Variants in RBM20 observed in about 807,000 individuals in gnomAD.
RBM20 encodes RNA binding motif protein 20, also known as RNA-binding protein 20.
A neutral mutation model predicts 110.1 loss-of-function variants in RBM20; 51 were observed. That is an observed-to-expected ratio of 0.46 (90% CI 0.37 to 0.59). The LOEUF (loss-of-function observed/expected upper bound fraction) is 0.59, where lower values mean the gene tolerates loss of function less well. RBM20 is among the 20% of genes least tolerant of loss of function. The pLI, the probability that RBM20 is intolerant of heterozygous loss-of-function variation, is 0.00. For synonymous variants in RBM20, 589 were observed against 618.2 expected (o/e 0.95, Z 0.70); for missense variants, 1,512 against 1,574.9 (o/e 0.96, Z 0.68).
At chr10:110,697,683 C>T (rs1006539312) in intron 1 of RBM20, among the ~76,000 whole-genome samples, 7 of 152,184 alleles carry the variant, frequency 4.6e-5, no homozygotes, top group Non-Finnish European at 1.0e-4. Flanking sequence ...GATCATCACA[C>T]ATCCACTGTC....
intron 1 of RBM20, among the ~76,000 whole-genome samples, chr10:110,685,885 T>C (rs531445585): frequency 3.9e-5 from 6 of 152,310 alleles, no homozygotes; most frequent in African/African-American, 1.4e-4. Context: ...TAATGCAGGA[T>C]CTTTGTTTTA....
rs897266751 is a variant in RBM20 at position 110,836,853 on chromosome 10, G to A, written c.*875G>A. 6.6e-6 allele frequency: 1 copy of A among 152,202 alleles called. No homozygotes were observed. The highest frequency in any genetic ancestry group is 1.5e-5 in the Non-Finnish European group (1 of 68,044). 9.4% of individuals were successfully genotyped at this position (152,202 alleles called of 1,614,324 possible). A position where few individuals can be genotyped will look rare whatever the true frequency, so the allele number is the denominator to read the frequency against. ...ATAAAAACAGAAGCATCTTCCTCCA[G>A]CTAAAGCAGCAGTTGGCGCGGGCTT... On this transcript the variant is annotated 3_prime_UTR_variant, in exon 14 of 14. Transcript: ENST00000369519.
At position 110,820,971 on chromosome 10, in the gene RBM20, A is replaced by G. The variant is rs139516832; in HGVS notation, c.2656-304A>G. On this transcript the variant is annotated intron_variant, in intron 10 of 13. Coordinates refer to ENST00000369519, the MANE Select transcript of RBM20 (RefSeq NM_001134363.3). ...ATGCTCCAGTAAGTATTTAGAGTTT[A>G]TAACTTCATTATTCATGCATTCAAA... is the stretch of plus-strand genomic sequence containing the variant. Among the ~76,000 whole-genome samples the G allele has an allele frequency of 5.1e-3, 783 of 152,342 alleles. 11 individuals carry two copies. Among genetic ancestry groups the G allele is most frequent in the African/African-American group, 0.018 (743 of 41,570 alleles).
In RBM20 at chr10:110,823,475, T is replaced by C. The variant is rs1223503389; in HGVS notation, c.3317-5T>C. On this transcript the variant is annotated splice_region_variant and splice_polypyrimidine_tract_variant and intron_variant, in intron 11 of 13. Transcript: ENST00000369519. ...TTTTTTTTTGCCTTGGTTCATGTTT[T>C]GCAGAAAACTCCAGGTACGTGGAAA... 1 of 1,268,968 alleles carries C rather than the reference T, an allele frequency of 7.9e-7. No homozygotes were observed. 78.6% of individuals were successfully genotyped at this position (1,268,968 alleles called of 1,614,324 possible).
chr10:110,733,724 G>C (rs1843641857), intron 1 of RBM20, among the ~76,000 whole-genome samples: 1 of 152,254 alleles, frequency 6.6e-6, no homozygotes, highest in Non-Finnish European at 1.5e-5. Flanking sequence ...CTGCCTTGGA[G>C]ATCCTGATGC....
rs560149482 is a variant in RBM20 at position 110,699,177 on chromosome 10, A to G, written c.191+54532A>G. On this transcript the variant is annotated intron_variant, in intron 1 of 13. Transcript: ENST00000369519. ...CCTTTCCAGACCCACGTGATGATGG[A>G]GATCCGGCAGGCAGTGGCTTCTTAC... Among the ~76,000 whole-genome samples the G allele has an allele frequency of 7.3e-5, 11 of 151,688 alleles. No individual in the cohort carries two copies. In the South Asian group the frequency reaches 2.3e-3, roughly 32 times the overall value.
At chr10:110,719,658 T>C (rs1490237687) in intron 1 of RBM20, among the ~76,000 whole-genome samples, 2 of 152,264 alleles carry the variant, frequency 1.3e-5, no homozygotes, top group Admixed American at 1.3e-4. Flanking sequence ...CTGAGTTTTG[T>C]GTCTTTCTTG....
chr10:110,716,884 T>TCCCG (rs1863026761), intron 1 of RBM20, among the ~76,000 whole-genome samples: 1 of 145,442 alleles, frequency 6.9e-6, no homozygotes. Flanking sequence ...GCCCCTGCAC[T>TCCCG]CCCGCCTCAG....
intron 7 of RBM20, among the ~76,000 whole-genome samples, chr10:110,802,728 C>T (rs1006071732): frequency 1.3e-5 from 2 of 152,234 alleles, no homozygotes; most frequent in African/African-American, 2.4e-5. Flanking sequence ...GAGTGCTCAC[C>T]GTGGGTGGAA....
chr10:110,744,472 C>A (rs932146260), intron 1 of RBM20, among the ~76,000 whole-genome samples: 3 of 152,218 alleles, frequency 2.0e-5, no homozygotes, highest in African/African-American at 7.2e-5. Flanking sequence ...AAAGTTAATA[C>A]CTTTGAACAT....
chr10:110,789,850 TC>T (rs1043890592), intron 5 of RBM20, among the ~76,000 whole-genome samples: 5 of 152,106 alleles, frequency 3.3e-5, no homozygotes, highest in African/African-American at 1.2e-4. Flanking sequence ...GCTGACTGAG[TC>T]GTCATAAACA....
intron 1 of RBM20, among the ~76,000 whole-genome samples, chr10:110,686,775 A>G (rs1247497409): frequency 6.6e-6 from 1 of 152,324 alleles, no homozygotes; most frequent in Admixed American, 6.5e-5. Flanking sequence ...GCAGTGACTC[A>G]TGCCTGTAAT....
In RBM20 at chr10:110,834,030, T is replaced by C. The variant is rs556099702; in HGVS notation, c.3574-1838T>C. 1.1e-4 allele frequency among the ~76,000 whole-genome samples: 17 copies of C among 152,286 alleles called. No individual in the cohort carries two copies. The South Asian group carries it at 3.5e-3, about 32-fold the overall frequency. ...TTGCTCCTAAAGGCAGGGAGCAGGT[T>C]GAAGGAGCCTCCGCTCTCTCTGAGC... On this transcript the variant is annotated intron_variant, in intron 13 of 13. Coordinates refer to ENST00000369519, the MANE Select transcript of RBM20 (RefSeq NM_001134363.3).
chr10:110,668,747 A>G (rs1862217475), intron 1 of RBM20, among the ~76,000 whole-genome samples: 1 of 152,038 alleles, frequency 6.6e-6, no homozygotes, highest in Admixed American at 6.6e-5. Context: ...GACTGTGAAG[A>G]GAGGGGAGGG....
chr10:110,737,691 C>T (rs1843686673), intron 1 of RBM20, among the ~76,000 whole-genome samples: 1 of 150,700 alleles, frequency 6.6e-6, no homozygotes, highest in African/African-American at 2.4e-5. Flanking sequence ...GTTTCTTTTA[C>T]TCAGTTTTAT....
At chr10:110,787,870 C>T (rs973860518) in intron 5 of RBM20, among the ~76,000 whole-genome samples, 1 of 151,826 alleles carries the variant, frequency 6.6e-6, no homozygotes, top group Non-Finnish European at 1.5e-5. Flanking sequence ...GACAGAGAGC[C>T]CCAGTCATTG....
At chr10:110,784,949 G>T (rs1343264609) in intron 5 of RBM20, 60 bp downstream of exon 5, 1 of 1,165,868 alleles carries the variant, frequency 8.6e-7, no homozygotes, top group Non-Finnish European at 1.2e-6. Flanking sequence ...TTATTTATTT[G>T]TTTGTTTATT....
chr10:110,760,044 T>A (rs1843974784), intron 1 of RBM20, among the ~76,000 whole-genome samples: 1 of 152,226 alleles, frequency 6.6e-6, no homozygotes, highest in Non-Finnish European at 1.5e-5. Flanking sequence ...AGCCGTGGCA[T>A]GTACCAAGAA....
intron 1 of RBM20, among the ~76,000 whole-genome samples, chr10:110,743,812 C>T (rs949614897): frequency 2.0e-5 from 3 of 152,254 alleles, no homozygotes; most frequent in East Asian, 1.9e-4. Flanking sequence ...GATGGGGTTT[C>T]ACCATGTTAG....
Sources: allele counts gnomAD v4.1 joint callset (sites outside exome capture counted in the v4.1 genomes callset), GRCh38; gene constraint gnomAD v4.1.1; transcripts MANE v1.5; gene names NCBI Gene and HGNC (gene_info 2026-07-23, HGNC 2026-07-21).